Variants in SLIT1 observed in about 807,000 individuals in gnomAD.
SLIT1 encodes the protein slit homolog 1 protein.
Under a neutral mutation model 186.1 loss-of-function variants are expected in SLIT1, and 66 were observed. The ratio of observed to expected loss-of-function variants is 0.35; its 90% CI spans 0.29 to 0.44. The LOEUF (loss-of-function observed/expected upper bound fraction) is 0.44. Among genes scored for constraint, SLIT1 ranks in the 20% least tolerant of loss-of-function variants. SLIT1 has a pLI of 1.00. For missense variants in SLIT1, 1,638 were observed against 2,037.4 expected (o/e 0.80, Z 3.77); for synonymous variants, 761 against 833.8 (o/e 0.91, Z 1.50).
chr10:97,017,023 G>A (rs1236127494), intron 28 of SLIT1, among the ~76,000 whole-genome samples: 4 of 152,208 alleles, frequency 2.6e-5, no homozygotes, highest in African/African-American at 9.7e-5. Flanking sequence ...GTGCCCCAGA[G>A]AGCCTTGGGG....
intron 4 of SLIT1, among the ~76,000 whole-genome samples, chr10:97,086,564 C>T (rs1430476827): frequency 1.3e-5 from 2 of 152,028 alleles, no homozygotes; most frequent in Non-Finnish European, 2.9e-5. Context: ...GGTGACAGAG[C>T]AAGACTCCAA....
chr10:97,093,528 T>A (rs1849255116), intron 4 of SLIT1, among the ~76,000 whole-genome samples: 1 of 152,184 alleles, frequency 6.6e-6, no homozygotes, highest in Non-Finnish European at 1.5e-5. Context: ...ATGAGATGGC[T>A]GGAGCTCCAG....
At chr10:97,082,583 C>T (rs566725883) in intron 4 of SLIT1, among the ~76,000 whole-genome samples, 21 of 152,070 alleles carry the variant, frequency 1.4e-4, no homozygotes, top group African/African-American at 2.9e-4. Context: ...TACAGGCGCC[C>T]GCCACCATGC....
At chr10:97,002,630 CTG>C (rs1848321763) in intron 35 of SLIT1, 72 bp downstream of exon 35, 3 of 1,396,496 alleles carry the variant, frequency 2.1e-6, no homozygotes, top group Non-Finnish European at 2.9e-6. Context: ...GGTTGGAAAA[CTG>C]TGAGGCAGCC....
intron 4 of SLIT1, among the ~76,000 whole-genome samples, chr10:97,118,344 C>T (rs1425251214): frequency 6.6e-6 from 1 of 152,180 alleles, no homozygotes; most frequent in African/African-American, 2.4e-5. Context: ...TCAGGGCCTT[C>T]AGGACTTTGT....
In SLIT1 at chr10:97,047,671, G is replaced by A; in HGVS notation, c.1634+19C>T. On this transcript the variant is annotated intron_variant, in intron 16 of 36. Coordinates refer to ENST00000266058, the MANE Select transcript of SLIT1 (RefSeq NM_003061.3). ...GCAGTTAGGGACAGGGGAGGGCTGG[G>A]GGGGCCAGGGACCCTCACAGTTCTG... 10 of 1,611,162 alleles carry A rather than the reference G, an allele frequency of 6.2e-6. No homozygotes were observed. The highest frequency in any genetic ancestry group is 1.1e-5 in the South Asian group (1 of 91,040).
intron 23 of SLIT1, among the ~76,000 whole-genome samples, chr10:97,033,810 G>A (rs1848612584): frequency 1.3e-5 from 2 of 151,868 alleles, no homozygotes; most frequent in African/African-American, 4.8e-5. Context: ...TGGGGTAGGG[G>A]AGGAGACAGC....
chr10:97,068,614 C>T lies in SLIT1; in HGVS notation c.414-2528G>A, dbSNP rs1466804191. ...TGCAGCACAGACACAGCTGTCCCTC[C>T]TCCAGAGCCGTCCCACCTGCTATCC... On this transcript the variant is annotated intron_variant, in intron 4 of 36. Transcript: ENST00000266058. This position sits in a 1 kb window ranked among gnomAD's most constrained non-coding sequence, Gnocchi z 4.2. Among the ~76,000 whole-genome samples, 1 of 152,178 alleles carries T rather than the reference C, an allele frequency of 6.6e-6. No homozygotes were observed. The highest frequency in any genetic ancestry group is 1.5e-5 in the Non-Finnish European group (1 of 68,010).
At chr10:97,092,326 T>C (rs1412635494) in intron 4 of SLIT1, among the ~76,000 whole-genome samples, 1 of 152,186 alleles carries the variant, frequency 6.6e-6, no homozygotes, top group Non-Finnish European at 1.5e-5. Flanking sequence ...TAGAAGCAAA[T>C]GAATTAACTG....
chr10:97,090,250 G>C (rs1230824096), intron 4 of SLIT1, among the ~76,000 whole-genome samples: 1 of 152,128 alleles, frequency 6.6e-6, no homozygotes, highest in African/African-American at 2.4e-5. Context: ...TGGGAAGCAG[G>C]GGCCCCTGCA....
At position 97,002,263 on chromosome 10, in the gene SLIT1, G is replaced by T. The variant is rs866281484; in HGVS notation, c.4261C>A (p.Pro1421Thr). 3 of 1,605,356 alleles carry T rather than the reference G, an allele frequency of 1.9e-6. No individual in the cohort carries two copies. Among genetic ancestry groups the T allele is most frequent in the African/African-American group, 1.3e-5 (1 of 74,840 alleles). ...TGCAGGCACTGCAGGCCTCTGCAGGGCTCTGCCAGGGCCCCGGCCTGGTTG... is the reference window on the plus strand; with the variant it reads ...TGCAGGCACTGCAGGCCTCTGCAGGTCTCTGCCAGGGCCCCGGCCTGGTTG... ...LCNQAGALAE[P>T]CRGLQCLHGH... Residue 1421 changes from proline to threonine, a missense_variant, in exon 36 of 37, where the codon CCC becomes ACC. Pro to Thr is a conservative substitution (Grantham distance 38, BLOSUM62 -1). Coordinates refer to ENST00000266058, the MANE Select transcript of SLIT1 (RefSeq NM_003061.3).
chr10:97,106,261 G>C (rs906912284), intron 4 of SLIT1, among the ~76,000 whole-genome samples: 7 of 152,174 alleles, frequency 4.6e-5, no homozygotes, highest in African/African-American at 1.7e-4. Flanking sequence ...GTCATTTCTG[G>C]GGGACTTGGA....
At position 97,003,966 on chromosome 10, in the gene SLIT1, T is replaced by C. The variant is rs1848335328; in HGVS notation, c.3865+102A>G. 12 of 1,101,218 alleles carry C rather than the reference T, an allele frequency of 1.1e-5. No homozygotes were observed. The South Asian group carries it at 1.9e-4, about 18-fold the overall frequency. 68.2% of individuals were successfully genotyped at this position (1,101,218 alleles called of 1,614,324 possible). A position where few individuals can be genotyped will look rare whatever the true frequency, so the allele number is the denominator to read the frequency against. On this transcript the variant is annotated intron_variant, in intron 34 of 36. Transcript: ENST00000266058. ...CAGCTTGGCCACCACCAGGATCATC[T>C]TCCCACTTGGCATTTCCCACAGTGC...
rs139819725 is a variant in SLIT1 at position 97,039,718 on chromosome 10, C to T, written c.2297+270G>A. Among the ~76,000 whole-genome samples, 612 of 152,364 alleles carry T rather than the reference C, an allele frequency of 4.0e-3. 6 individuals carry two copies. The highest frequency in any genetic ancestry group is 0.014 in the African/African-American group (580 of 41,588). On this transcript the variant is annotated intron_variant, in intron 21 of 36. Transcript: ENST00000266058. ...TGACAGGCGGGAAAGCAAGGTTCTC[C>T]TCATTTTAAAGGCGGAGCTTAGTTT...
In SLIT1 at chr10:97,011,022, G is replaced by A. The variant is rs774939227; in HGVS notation, c.3312C>T (p.Ser1104=). 6.2e-7 allele frequency: 1 copy of A among 1,614,112 alleles called. No homozygotes were observed. The highest frequency in any genetic ancestry group is 1.7e-5 in the Admixed American group (1 of 60,020). The change falls in exon 31 of 37, where the codon AGC becomes AGT. Residue 1104 remains serine, a synonymous_variant. Coordinates refer to ENST00000266058, the MANE Select transcript of SLIT1 (RefSeq NM_003061.3). ...AGCCCTCAGCACAGAGGCAGGAGTA[G>A]CTGTTGACTTCATCCATACACTGGG... ...NGAQCMDEVN[S]YSCLCAEGYS...
At chr10:97,084,992 T>C (rs1018573116) in intron 4 of SLIT1, among the ~76,000 whole-genome samples, 3 of 148,560 alleles carry the variant, frequency 2.0e-5, no homozygotes, top group Non-Finnish European at 3.0e-5. Context: ...AGTGTGATCT[T>C]GGCTCACTGC....
In SLIT1 at chr10:97,185,642, C is replaced by G. The variant is rs761928195; in HGVS notation, c.33G>C (p.Ala11=). The stretch of plus-strand genomic sequence containing the variant: ...GCCAGAGCTCCGGCCGGACCGGCCC[C>G]GCCGAGGACCCCCACCCGGGAGTCA... MALTPGWGSS[A]GPVRPELWLL... Residue 11 remains alanine (A), a synonymous_variant, in exon 1 of 37, where the codon GCG becomes GCC. Transcript: ENST00000266058. 3 of 1,544,418 alleles carry G rather than the reference C, an allele frequency of 1.9e-6. No homozygotes were observed. Among genetic ancestry groups the G allele is most frequent in the East Asian group, 2.5e-5 (1 of 40,580 alleles).
chr10:97,108,093 T>C (rs956871240), intron 4 of SLIT1, among the ~76,000 whole-genome samples: 2 of 152,118 alleles, frequency 1.3e-5, no homozygotes, highest in Non-Finnish European at 2.9e-5. Context: ...CTTCCCATCT[T>C]CCCTCCCTTA....
chr10:97,024,716 G>A (rs1348332124), intron 25 of SLIT1, among the ~76,000 whole-genome samples: 1 of 152,198 alleles, frequency 6.6e-6, no homozygotes, highest in Non-Finnish European at 1.5e-5. Flanking sequence ...TTATTCGAAA[G>A]ATAAATACAC....
Sources: allele counts gnomAD v4.1 joint callset (sites outside exome capture counted in the v4.1 genomes callset), GRCh38; gene constraint gnomAD v4.1.1; non-coding constraint Gnocchi (gnomAD v3.1); transcripts MANE v1.5; gene names NCBI Gene and HGNC (gene_info 2026-07-23, HGNC 2026-07-21).